The following MAP4K3 variants were observed in gnomAD, a reference collection of about 807,000 sequenced individuals.
The protein encoded by MAP4K3 is MAPK/ERK kinase kinase kinase 3.
In MAP4K3, 94 loss-of-function variants were observed where a neutral mutation model predicts 143.5. That is an observed-to-expected ratio of 0.65 (90% CI 0.55 to 0.78). The LOEUF is 0.78. Among genes scored for constraint, MAP4K3 ranks in the 30% least tolerant of loss-of-function variants. The pLI is 0.00. For synonymous variants in MAP4K3, 416 were observed against 347.2 expected (o/e 1.20, Z -2.20); for missense variants, 1,077 against 1,068.1 (o/e 1.01, Z -0.12).
rs759082104 is a variant in MAP4K3, at chr2:39,309,521, TA to T, written c.998-3del. On this transcript the variant is annotated splice_polypyrimidine_tract_variant and splice_region_variant and intron_variant, in intron 13 of 33. Coordinates refer to ENST00000263881, the MANE Select transcript of MAP4K3 (RefSeq NM_003618.4). ...GTGGATCAAATTTCACTTGGCCAAC[TA>T]AAAAAGAAAAAAAAGTAAAACCAGG... The T allele has an allele frequency of 8.8e-6, 8 of 911,736 alleles. No individual in the cohort carries two copies. The highest frequency in any genetic ancestry group is 1.7e-5 in the African/African-American group (1 of 59,124). 56.5% of individuals were successfully genotyped at this position (911,736 alleles called of 1,614,324 possible). A position where few individuals can be genotyped will look rare whatever the true frequency, so the allele number is the denominator to read the frequency against.
chr2:39,312,507 G>C (rs1573133672), intron 13 of MAP4K3, among the ~76,000 whole-genome samples: 1 of 152,114 alleles, frequency 6.6e-6, no homozygotes, highest in East Asian at 1.9e-4. Flanking sequence ...AATTTATTGT[G>C]AATGTTAATA....
At chr2:39,316,019 C>G (rs1683103008) in intron 12 of MAP4K3, among the ~76,000 whole-genome samples, 1 of 151,888 alleles carries the variant, frequency 6.6e-6, no homozygotes, top group African/African-American at 2.4e-5. Context: ...CTTATGTGAA[C>G]ATACAGTATT....
chr2:39,436,006 G>A (rs527472019), intron 1 of MAP4K3, among the ~76,000 whole-genome samples: 22 of 152,304 alleles, frequency 1.4e-4, no homozygotes, highest in African/African-American at 5.3e-4. Context: ...TGTGAAACTG[G>A]AGGAGTTCAA....
intron 1 of MAP4K3, among the ~76,000 whole-genome samples, chr2:39,398,057 T>C (rs1363331137): frequency 6.6e-6 from 1 of 152,186 alleles, no homozygotes; most frequent in Non-Finnish European, 1.5e-5. Context: ...ATGCAAGATA[T>C]ATATACAGGG....
At chr2:39,372,025 T>C (rs1666095873) in intron 2 of MAP4K3, among the ~76,000 whole-genome samples, 1 of 151,620 alleles carries the variant, frequency 6.6e-6, no homozygotes. Context: ...TTATATGATC[T>C]TATATTTGGA....
intron 1 of MAP4K3, among the ~76,000 whole-genome samples, chr2:39,416,082 T>C (rs982813130): frequency 1.4e-5 from 2 of 143,402 alleles, no homozygotes; most frequent in African/African-American, 5.2e-5. Context: ...TAAGTCATAC[T>C]AACTGGGTAA....
intron 12 of MAP4K3, among the ~76,000 whole-genome samples, chr2:39,321,463 G>A (rs879011177): frequency 1.3e-5 from 2 of 152,172 alleles, no homozygotes; most frequent in East Asian, 1.9e-4. Flanking sequence ...ACGGAAGGCC[G>A]CAGGGACCTC....
chr2:39,279,085 A>G (rs1043170216), intron 23 of MAP4K3, among the ~76,000 whole-genome samples: 3 of 152,160 alleles, frequency 2.0e-5, no homozygotes, highest in Non-Finnish European at 4.4e-5. Flanking sequence ...AATTTATTAA[A>G]AAGACTTTAG....
chr2:39,401,387 G>T (rs960075100), intron 1 of MAP4K3, among the ~76,000 whole-genome samples: 11 of 152,140 alleles, frequency 7.2e-5, no homozygotes, highest in Non-Finnish European at 1.3e-4. Context: ...GGCCAGACTG[G>T]AAAACTTCAT....
chr2:39,379,259 T>C (rs1261097943), intron 1 of MAP4K3, among the ~76,000 whole-genome samples: 1 of 152,028 alleles, frequency 6.6e-6, no homozygotes, highest in Admixed American at 6.6e-5. Context: ...TTGCTGAAAA[T>C]ATAAAATTTA....
intron 2 of MAP4K3, among the ~76,000 whole-genome samples, chr2:39,363,936 A>G (rs1354555871): frequency 1.3e-5 from 2 of 150,548 alleles, no homozygotes; most frequent in African/African-American, 2.4e-5. Flanking sequence ...TACTGTCTTC[A>G]GGGAAATGCA....
intron 18 of MAP4K3, among the ~76,000 whole-genome samples, chr2:39,291,123 G>A (rs1234950227): frequency 6.6e-6 from 1 of 152,110 alleles, no homozygotes; most frequent in Non-Finnish European, 1.5e-5. Flanking sequence ...ATAGTTAGAA[G>A]GAGGATATTG....
intron 13 of MAP4K3, among the ~76,000 whole-genome samples, chr2:39,313,389 C>T (rs560289178): frequency 6.6e-6 from 1 of 152,154 alleles, no homozygotes; most frequent in East Asian, 1.9e-4. Context: ...CACCCTCAAG[C>T]AGGCCCCAGT....
chr2:39,309,389 A>T (rs1682856909), intron 14 of MAP4K3, 72 bp downstream of exon 14: 3 of 1,174,772 alleles, frequency 2.6e-6, no homozygotes, highest in African/African-American at 1.6e-5. Flanking sequence ...TTTGGTCAGT[A>T]CTAATACATC....
chr2:39,417,246 G>C (rs1261125595), intron 1 of MAP4K3, among the ~76,000 whole-genome samples: 1 of 148,540 alleles, frequency 6.7e-6, no homozygotes. Context: ...GTGAGACAGA[G>C]TCTTGCCCTG....
intron 26 of MAP4K3, among the ~76,000 whole-genome samples, chr2:39,271,376 C>A (rs560348807): frequency 1.3e-5 from 2 of 151,766 alleles, no homozygotes; most frequent in Non-Finnish European, 2.9e-5. Context: ...TCAAGGTACT[C>A]GAAAATTAAG....
intron 3 of MAP4K3, among the ~76,000 whole-genome samples, chr2:39,350,416 C>T (rs995880413): frequency 2.0e-5 from 3 of 152,150 alleles, no homozygotes; most frequent in African/African-American, 7.2e-5. Flanking sequence ...GAACTCTGTA[C>T]TATTTGCAAC....
chr2:39,374,311 T>C (rs2148576238), intron 2 of MAP4K3, among the ~76,000 whole-genome samples: 1 of 152,224 alleles, frequency 6.6e-6, no homozygotes. Context: ...GAGGTTGCAG[T>C]GAGCCAAGAT....
Position 39,356,251 on chromosome 2 carries a change from G to C in MAP4K3, c.243C>G (p.Leu81=). The change falls in exon 3 of 34, where the codon CTC becomes CTG. Residue 81 remains leucine, a splice_region_variant and synonymous_variant. Transcript: ENST00000263881. The part of the protein sequence containing the change: ...PNIVAYFGSY[L]RRDKLWICME... ...CAAAAGGGAAACAAACAGTATACCT[G>C]AGATAGCTTCCAAAATAAGCAACAA... 6.4e-7 allele frequency: 1 copy of C among 1,574,372 alleles called. No homozygotes were observed. The highest frequency in any genetic ancestry group is 8.7e-7 in the Non-Finnish European group (1 of 1,151,264).
Sources: gnomAD v4.1 joint callset for allele counts (sites outside exome capture counted in the v4.1 genomes callset) on GRCh38, gnomAD v4.1.1 for gene constraint, MANE v1.5 for transcripts, NCBI Gene and HGNC (gene_info 2026-07-23, HGNC 2026-07-21) for gene names.